PCLO: variants seen among roughly 807,000 people sequenced by gnomAD.
The protein encoded by PCLO is protein piccolo.
A neutral mutation model predicts 427.5 loss-of-function variants in PCLO; 82 were observed. The ratio of observed to expected loss-of-function variants is 0.19; its 90% CI spans 0.16 to 0.23. The LOEUF is 0.23. PCLO is among the 10% of genes least tolerant of loss of function. The pLI is 1.00. For missense variants in PCLO, 6,239 were observed against 6,115.9 expected (o/e 1.02, Z -0.67); for synonymous variants, 2,357 against 2,155.4 (o/e 1.09, Z -2.59).
intron 3 of PCLO, among the ~76,000 whole-genome samples, chr7:83,002,097 C>T (rs1439464793): frequency 3.9e-5 from 6 of 151,906 alleles, no homozygotes; most frequent in Non-Finnish European, 8.8e-5. Context: ...ACTTCTCCTC[C>T]TAGTTTTCAG....
At chr7:82,891,761 G>C (rs1400942073) in intron 9 of PCLO, among the ~76,000 whole-genome samples, 1 of 151,970 alleles carries the variant, frequency 6.6e-6, no homozygotes, top group African/African-American at 2.4e-5. Context: ...GTTGAATTTT[G>C]TCAAAGGCCT....
intron 22 of PCLO, among the ~76,000 whole-genome samples, chr7:82,794,762 C>T (rs1347025351): frequency 6.6e-6 from 1 of 151,922 alleles, no homozygotes; most frequent in Non-Finnish European, 1.5e-5. Flanking sequence ...ACATGAGCCA[C>T]TGCGCCTGGC....
chr7:82,761,606 T>C, intron 22 of PCLO, 113 bp from the exon 23 acceptor site: 1 of 708,322 alleles, frequency 1.4e-6, no homozygotes, highest in Non-Finnish European at 2.4e-6. Context: ...AAGTATCTTA[T>C]GACATCCTAA....
At chr7:82,864,757 T>G (rs1268584402) in intron 10 of PCLO, among the ~76,000 whole-genome samples, 1 of 152,116 alleles carries the variant, frequency 6.6e-6, no homozygotes, top group Non-Finnish European at 1.5e-5. Context: ...ATTTGCTGAA[T>G]GAATGAATGG....
At chr7:82,893,722 T>C (rs1319497136) in intron 9 of PCLO, among the ~76,000 whole-genome samples, 1 of 152,096 alleles carries the variant, frequency 6.6e-6, no homozygotes, top group African/African-American at 2.4e-5. Flanking sequence ...GACTCATTTA[T>C]GAAATATTGA....
intron 10 of PCLO, among the ~76,000 whole-genome samples, chr7:82,857,392 T>C (rs1562821403): frequency 6.6e-6 from 1 of 152,164 alleles, no homozygotes; most frequent in Non-Finnish European, 1.5e-5. Context: ...GTTATGTTGA[T>C]AACCTTTATG....
intron 16 of PCLO, among the ~76,000 whole-genome samples, chr7:82,835,120 G>A (rs141966303): frequency 3.2e-3 from 477 of 150,896 alleles, no homozygotes; most frequent in African/African-American, 0.011. Context: ...AAGTTTTTGT[G>A]TTTTTAGTAG....
intron 20 of PCLO, among the ~76,000 whole-genome samples, chr7:82,819,277 C>T (rs942233797): frequency 3.3e-5 from 5 of 151,720 alleles, no homozygotes; most frequent in Non-Finnish European, 7.4e-5. Context: ...CTAAGTCAAT[C>T]ACAAGACTAA....
intron 23 of PCLO, 116 bp downstream of exon 23, chr7:82,761,243 A>AT: frequency 1.7e-6 from 1 of 584,032 alleles, no homozygotes; most frequent in East Asian, 2.9e-5. Context: ...TTAATCAGTT[A>AT]TTTTTTCTGA....
rs942030046 is a variant in PCLO at position 82,783,338 on chromosome 7, G to T, written c.15007+18180C>A. Among the ~76,000 whole-genome samples the T allele has an allele frequency of 2.0e-5, 3 of 152,220 alleles. No homozygotes were observed. In the South Asian group the frequency reaches 6.2e-4, roughly 31 times the overall value. On this transcript the variant is annotated intron_variant, in intron 22 of 24. Coordinates refer to ENST00000333891, the MANE Select transcript of PCLO (RefSeq NM_033026.6). Reference sequence around the variant, plus strand: ...TTAAAAATTGCACCCTAGAGGGCCGGGTGTGGTGGCTTACGCCTGTAATCC... The same window carrying T: ...TTAAAAATTGCACCCTAGAGGGCCGTGTGTGGTGGCTTACGCCTGTAATCC...
intron 22 of PCLO, among the ~76,000 whole-genome samples, chr7:82,794,963 C>CA (rs1791195499): frequency 6.6e-6 from 1 of 151,972 alleles, no homozygotes; most frequent in South Asian, 2.1e-4. Flanking sequence ...TATTTATAGA[C>CA]AAAAATGTTT....
chr7:82,829,934 T>C (rs1792050495), intron 16 of PCLO, among the ~76,000 whole-genome samples: 1 of 152,034 alleles, frequency 6.6e-6, no homozygotes, highest in Admixed American at 6.6e-5. Flanking sequence ...TCAAGATAGA[T>C]ACATCTTGAA....
Position 82,916,524 on chromosome 7 carries a change from C to A in PCLO, c.11462G>T (p.Arg3821Leu). The change falls in exon 7 of 25, where the codon CGA (arginine) becomes CTA (leucine). Residue 3821 changes from arginine (R) to leucine (L), a missense_variant. Physicochemically the swap from Arg to Leu is moderately radical, Grantham distance 102. Around this residue, in one of 5 missense-constraint regions of PCLO, gnomAD observed 680 missense variants for 677.3 expected, o/e 1.00. Coordinates refer to ENST00000333891, the MANE Select transcript of PCLO (RefSeq NM_033026.6). ...ALLKEREKRE[R>L]AYLQGVAEDR... The stretch of plus-strand genomic sequence containing the variant: ...CTCAGCTACTCCCTGGAGGTAGGCT[C>A]GTTCTCTCTTTTCTCTCTCCTTTAA... 6.2e-7 allele frequency: 1 copy of A among 1,613,642 alleles called. No individual in the cohort carries two copies.
chr7:82,935,357 T>C (rs945852183), intron 6 of PCLO, among the ~76,000 whole-genome samples: 5 of 151,452 alleles, frequency 3.3e-5, no homozygotes, highest in Non-Finnish European at 5.9e-5. Context: ...CTATACTTCA[T>C]TGGTTTGCTG....
intron 10 of PCLO, among the ~76,000 whole-genome samples, chr7:82,867,102 T>A (rs906873678): frequency 6.6e-6 from 1 of 152,242 alleles, no homozygotes; most frequent in Non-Finnish European, 1.5e-5. Context: ...TCATTAATTT[T>A]AAAAAAAGAG....
intron 3 of PCLO, among the ~76,000 whole-genome samples, chr7:83,001,506 A>ACACC (rs36117802): frequency 0.02 from 464 of 23,678 alleles, 3 homozygotes; most frequent in African/African-American, 0.18. Context: ...ACACATACAA[A>ACACC]CACACACACA....
chr7:82,890,596 G>T (rs1047440173), intron 9 of PCLO, among the ~76,000 whole-genome samples: 1 of 151,816 alleles, frequency 6.6e-6, no homozygotes, highest in Admixed American at 6.6e-5. Flanking sequence ...GACAAATTGT[G>T]TTTATAGTAT....
intron 3 of PCLO, among the ~76,000 whole-genome samples, chr7:83,121,085 C>T (rs1281391898): frequency 6.6e-6 from 1 of 152,008 alleles, no homozygotes; most frequent in African/African-American, 2.4e-5. Context: ...AGATTGAGAC[C>T]ATCCTGGCTA....
chr7:82,929,719 T>C (rs1188636855), intron 6 of PCLO, among the ~76,000 whole-genome samples: 1 of 152,158 alleles, frequency 6.6e-6, no homozygotes, highest in Non-Finnish European at 1.5e-5. Flanking sequence ...ATGTATTTCC[T>C]AAATTTCTAG....
Sources: gnomAD v4.1 joint callset for allele counts (sites outside exome capture counted in the v4.1 genomes callset) on GRCh38, gnomAD v4.1.1 for gene constraint, gnomAD v4.1.1 regional missense constraint, MANE v1.5 for transcripts, NCBI Gene and HGNC (gene_info 2026-07-23, HGNC 2026-07-21) for gene names.